Variants in PLA2G4F observed in about 807,000 individuals in gnomAD.
PLA2G4F encodes phospholipase A2 group IVF, also known as cytosolic phospholipase A2 zeta.
Under a neutral mutation model 103.1 loss-of-function variants are expected in PLA2G4F, and 105 were observed. The observed-to-expected ratio is 1.02, with a 90% CI of 0.87 to 1.20. PLA2G4F has a LOEUF of 1.20. Ranked by LOEUF, PLA2G4F falls within the 50% of genes most tolerant of loss-of-function variation. PLA2G4F has a pLI of 0.00. For missense variants in PLA2G4F, 1,155 were observed against 1,075.9 expected (o/e 1.07, Z -1.03); for synonymous variants, 468 against 441.1 (o/e 1.06, Z -0.76).
At chr15:42,142,278 T>C in intron 19 of PLA2G4F, 74 bp from the exon 20 acceptor site, 1 of 1,407,644 alleles carries the variant, frequency 7.1e-7, no homozygotes, top group South Asian at 1.4e-5. Flanking sequence ...CCCAGAAGTC[T>C]TCCTTGTGCA....
At chr15:42,152,871 A>G (rs993814648) in intron 6 of PLA2G4F, 117 bp from the exon 7 acceptor site, 4 of 968,026 alleles carry the variant, frequency 4.1e-6, no homozygotes, top group Non-Finnish European at 6.0e-6. Flanking sequence ...TCCAGGATGG[A>G]GGGAGGGAGG....
Position 42,154,136 on chromosome 15 carries a change from T to G in PLA2G4F, c.406A>C (p.Lys136Gln). The change falls in exon 4 of 20, where the codon AAG becomes CAG. Residue 136 changes from lysine (K) to glutamine (Q), a missense_variant. This residue lies in a region of PLA2G4F where 370 missense variants were observed against 364.9 expected (regional missense o/e 1.01). Coordinates refer to ENST00000397272, the MANE Select transcript of PLA2G4F (RefSeq NM_213600.4). ...GTGTGTTTGTGAGGTTGGCCACACT[T>G]GAGGCTTCTCAGGTCAAACAGGAGC... ...SLLLFDLRSL[K>Q]CGQPHKHTFP... 4 of 1,614,186 alleles carry G rather than the reference T, an allele frequency of 2.5e-6. No homozygotes were observed. The highest frequency in any genetic ancestry group is 3.4e-6 in the Non-Finnish European group (4 of 1,180,040).
At chr15:42,149,538 C>T (rs1184522157) in intron 11 of PLA2G4F, 175 bp downstream of exon 11, 5 of 985,328 alleles carry the variant, frequency 5.1e-6, no homozygotes, top group African/African-American at 3.5e-5. Context: ...CCAGCTTTGG[C>T]CAGGGCCGTT....
intron 19 of PLA2G4F, 58 bp downstream of exon 19, chr15:42,142,470 C>T (rs972577820): frequency 1.6e-5 from 25 of 1,523,134 alleles, no homozygotes; most frequent in East Asian, 1.4e-4. Flanking sequence ...CTCAGAACAG[C>T]GTCCCATCAC....
In PLA2G4F at chr15:42,141,875, G is replaced by A. The variant is rs931109294; in HGVS notation, c.*109C>T. ...GGGGCACCTCGAGGCAGGTCCTGGA[G>A]AGAAGGGAAGCAGATCCTGCACAGA... is the stretch of plus-strand genomic sequence containing the variant. On this transcript the variant is annotated 3_prime_UTR_variant, in exon 20 of 20. Transcript: ENST00000397272. 1 of 1,191,578 alleles carries A rather than the reference G, an allele frequency of 8.4e-7. No individual in the cohort carries two copies. Among genetic ancestry groups the A allele is most frequent in the Non-Finnish European group, 1.2e-6 (1 of 843,980 alleles). The allele number at this position is 1,191,578 out of a possible 1,614,324, so 73.8% of individuals were successfully genotyped here.
intron 13 of PLA2G4F, 96 bp downstream of exon 13, chr15:42,147,028 T>G (rs538800107): frequency 4.1e-6 from 5 of 1,232,020 alleles, no homozygotes; most frequent in Admixed American, 2.1e-5. Context: ...AACAGCTTTG[T>G]AAATCAGATC....
intron 10 of PLA2G4F, 54 bp from the exon 11 acceptor site, chr15:42,149,902 G>A: frequency 6.3e-7 from 1 of 1,592,404 alleles, no homozygotes; most frequent in Non-Finnish European, 8.6e-7. Flanking sequence ...CTGTCCAGTG[G>A]AGGAGAGCCT....
intron 16 of PLA2G4F, 107 bp downstream of exon 16, chr15:42,145,468 G>A (rs1595617799): frequency 8.7e-7 from 1 of 1,155,174 alleles, no homozygotes. Context: ...CCCGAATCCA[G>A]TGGGACAGCC....
At chr15:42,144,359 AC>A in intron 17 of PLA2G4F, 90 bp downstream of exon 17, 2 of 1,529,448 alleles carry the variant, frequency 1.3e-6, no homozygotes, top group Non-Finnish European at 9.0e-7. Context: ...CCACACCTCA[AC>A]CCCCAGCCCA....
chr15:42,142,137 G>A lies in PLA2G4F; in HGVS notation c.2397C>T (p.Pro799=). 1 of 1,614,208 alleles carries A rather than the reference G, an allele frequency of 6.2e-7. No individual in the cohort carries two copies. The highest frequency in any genetic ancestry group is 8.5e-7 in the Non-Finnish European group (1 of 1,180,026). ...GDFVINRPDT[P]YGMMNFTYEP... ...CATAGGTGAAGTTCATCATGCCATA[G>A]GGGGTGTCTGGCCTGTTGATGACAA... is the stretch of plus-strand genomic sequence containing the variant. Residue 799 remains proline (P), a synonymous_variant, in exon 20 of 20, where the codon CCC becomes CCT. Coordinates refer to ENST00000397272, the MANE Select transcript of PLA2G4F (RefSeq NM_213600.4).
rs1429292517 is a variant in PLA2G4F at position 42,145,750 on chromosome 15, T to C, written c.1672+16A>G. On this transcript the variant is annotated intron_variant, in intron 15 of 19. Coordinates refer to ENST00000397272, the MANE Select transcript of PLA2G4F (RefSeq NM_213600.4). ...CCCGGCACCTGCCTGTCCCCAGCCC[T>C]CCAGCCTCGACTCACCTTGCAGGTA... 4 of 1,613,732 alleles carry C rather than the reference T, an allele frequency of 2.5e-6. No homozygotes were observed. The highest frequency in any genetic ancestry group is 3.4e-6 in the Non-Finnish European group (4 of 1,179,926).
chr15:42,153,957 A>G (rs2048985577), intron 4 of PLA2G4F, 135 bp downstream of exon 4: 3 of 1,364,634 alleles, frequency 2.2e-6, no homozygotes, highest in Admixed American at 2.4e-5. Context: ...AGACCTTTAT[A>G]GGGTCAGGGC....
chr15:42,146,243 T>C lies in PLA2G4F; in HGVS notation c.1420-2A>G, dbSNP rs1174469020. 2.5e-6 allele frequency: 4 copies of C among 1,614,060 alleles called. No individual in the cohort carries two copies. The Admixed American group carries it at 5.0e-5, about 20-fold the overall frequency. On this transcript the variant is annotated splice_acceptor_variant, in intron 13 of 19. Coordinates refer to ENST00000397272, the MANE Select transcript of PLA2G4F (RefSeq NM_213600.4). LOFTEE classifies it high-confidence loss of function. ...GTCAGACAGCTTGGCAGGGTTCTCC[T>C]GGGCAGGAAAGAAGGGAGGCAGCTT...
rs1294768423 is a variant in PLA2G4F at position 42,142,667 on chromosome 15, G to A, written c.2190C>T (p.Phe730=). The A allele has an allele frequency of 1.2e-6, 2 of 1,614,138 alleles. No individual in the cohort carries two copies. Among genetic ancestry groups the A allele is most frequent in the East Asian group, 4.5e-5 (2 of 44,864 alleles). The change falls in exon 19 of 20, where the codon TTC becomes TTT. Residue 730 remains phenylalanine (F), a synonymous_variant. Transcript: ENST00000397272. Reference sequence around the variant, plus strand: ...CCTCAGGGCCCACCTCGATGCTAGGGAAGGGGATTCCTCGGTCCAGGCAGT... The same window carrying A: ...CCTCAGGGCCCACCTCGATGCTAGGAAAGGGGATTCCTCGGTCCAGGCAGT... The part of the protein sequence containing the change: ...EKYCLDRGIP[F]PSIEVGPEDM...
Position 42,147,763 on chromosome 15 carries a change from C to T in PLA2G4F, c.1060-1G>A. ...AACCCAACACAGCCACTACAGGCAC[C>T]TGGGTACAATAATAACAAGGATAAC... On this transcript the variant is annotated splice_acceptor_variant, in intron 11 of 19. Transcript: ENST00000397272. LOFTEE classifies it high-confidence loss of function. The T allele has an allele frequency of 6.2e-7, 1 of 1,613,232 alleles. No homozygotes were observed. The highest frequency in any genetic ancestry group is 1.3e-5 in the African/African-American group (1 of 75,036).
Position 42,149,153 on chromosome 15 carries a change from C to T in PLA2G4F, c.1059+560G>A, listed in dbSNP as rs866879749. The stretch of plus-strand genomic sequence containing the variant: ...CACATCCCTTTGATCACATTACAGA[C>T]TCAACTGTCCCCCTCCAAATTCCTG... On this transcript the variant is annotated intron_variant, in intron 11 of 19. Transcript: ENST00000397272. 1.5e-5 allele frequency: 15 copies of T among 985,312 alleles called. 1 individual carries two copies. Among genetic ancestry groups the T allele is most frequent in the Middle Eastern group, 5.2e-4 (1 of 1,936 alleles). The allele number at this position is 985,312 out of a possible 1,614,324, so 61.0% of individuals were successfully genotyped here.
chr15:42,147,723 G>A lies in PLA2G4F; in HGVS notation c.1099C>T (p.Arg367Ter), dbSNP rs201010833. The change falls in exon 12 of 20, where the codon CGA becomes TGA. Residue 367 changes from arginine to a stop codon, truncating the protein, a stop_gained. Coordinates refer to ENST00000397272, the MANE Select transcript of PLA2G4F (RefSeq NM_213600.4). LOFTEE classifies it high-confidence loss of function. Reference sequence around the variant, plus strand: ...CTGCCGTACAGAGAAGACATGGCTCGGGTTCCACCCCCGGAACCCAACACA... The same window carrying A: ...CTGCCGTACAGAGAAGACATGGCTCAGGTTCCACCCCCGGAACCCAACACA... ...VAVLGSGGGT[R>*]AMSSLYGSLA... The A allele has an allele frequency of 1.2e-4, 199 of 1,610,072 alleles. 1 individual carries two copies. The highest frequency in any genetic ancestry group is 1.9e-4 in the South Asian group (17 of 91,018).
chr15:42,149,898 A>C (rs2048936849), intron 10 of PLA2G4F, 50 bp from the exon 11 acceptor site: 4 of 1,594,312 alleles, frequency 2.5e-6, no homozygotes, highest in African/African-American at 1.3e-5. Context: ...GTGACTGTCC[A>C]GTGGAGGAGA....
rs201236009 is a variant in PLA2G4F, at chr15:42,144,642, C to T, written c.1783G>A (p.Asp595Asn). 51 of 1,590,006 alleles carry T rather than the reference C, an allele frequency of 3.2e-5. No homozygotes were observed. In the African/African-American group the frequency reaches 3.2e-4, roughly 10 times the overall value. ...TTGTGCAGCTGAGGCTTCTGGCAGT[C>T]GTCTAGACAGGGGCGGGACAGTGAA... ...WYRGSVNITDDCQKPQLHNPS... is the reference protein window; with the variant it reads ...WYRGSVNITDNCQKPQLHNPS... The change falls in exon 17 of 20, where the codon GAC becomes AAC. Residue 595 changes from aspartate (D) to asparagine (N), a missense_variant and splice_region_variant. Asp to Asn is a conservative substitution (Grantham distance 23). Around this residue, in one of 3 missense-constraint regions of PLA2G4F, gnomAD observed 782 missense variants for 692.9 expected, o/e 1.13. Transcript: ENST00000397272.
Sources: gnomAD v4.1 joint callset for allele counts on GRCh38, gnomAD v4.1.1 for gene constraint, gnomAD v4.1.1 regional missense constraint, MANE v1.5 for transcripts, NCBI Gene and HGNC (gene_info 2026-07-23, HGNC 2026-07-21) for gene names.